Variants in FMO5 observed in about 807,000 individuals in gnomAD.
FMO5 encodes the protein flavin containing dimethylaniline monoxygenase 5, also known as flavin-containing monooxygenase 5.
In FMO5, 51 loss-of-function variants were observed where a neutral mutation model predicts 43.6. The ratio of observed to expected loss-of-function variants is 1.17; its 90% CI spans 0.93 to 1.48. The LOEUF (loss-of-function observed/expected upper bound fraction) is 1.48. FMO5 is among the 40% of genes most tolerant of loss of function. FMO5 has a pLI of 0.00. For missense variants in FMO5, 644 were observed against 643.0 expected (o/e 1.00, Z -0.02); for synonymous variants, 187 against 216.5 (o/e 0.86, Z 1.20).
Position 147,201,358 on chromosome 1 carries a change from AC to A in FMO5, c.976del (p.Val326LeufsTer44), listed in dbSNP as rs1658941896. ...AAAGCTATAGCCTGTGGCAAAGATA[AC>A]AGCATCAATGTCATCCTCCCTGGAG... ...DGSREDDIDA[V>X]IFATGYSFDF... is the part of the protein sequence containing the mutation. On this transcript the variant is annotated frameshift_variant, in exon 7 of 9. Transcript: ENST00000254090. LOFTEE classifies it high-confidence loss of function. 1.9e-6 allele frequency: 3 copies of A among 1,614,066 alleles called. No homozygotes were observed. The highest frequency in any genetic ancestry group is 2.5e-6 in the Non-Finnish European group (3 of 1,180,020).
At position 147,201,161 on chromosome 1, in the gene FMO5, C is replaced by A. The variant is rs1553920780; in HGVS notation, c.1174G>T (p.Val392Leu). 3.1e-6 allele frequency: 5 copies of A among 1,609,926 alleles called. No individual in the cohort carries two copies. The highest frequency in any genetic ancestry group is 2.7e-5 in the African/African-American group (2 of 74,780). ...TTGCATGGTCACTTACCTTTAAATA[C>A]CTGAGTGGCCCAGCGTCCTTGGAGC... is the stretch of plus-strand genomic sequence containing the variant. ...SELQGRWATQ[V>L]FKGLKTLPSQ... is the part of the protein sequence containing the mutation. Residue 392 changes from valine (V) to leucine (L), a missense_variant, in exon 7 of 9, where the codon GTA becomes TTA. By Grantham distance (32) the Val-to-Leu change is conservative. Coordinates refer to ENST00000254090, the MANE Select transcript of FMO5 (RefSeq NM_001461.4).
At chr1:147,203,433 A>G in intron 6 of FMO5, 4 of 848,594 alleles carry the variant, frequency 4.7e-6, no homozygotes, top group Non-Finnish European at 8.3e-6. Flanking sequence ...TATCTAGAAC[A>G]CCAGCTTCCA....
chr1:147,198,060 T>G (rs1473359554), intron 7 of FMO5, among the ~76,000 whole-genome samples: 1 of 152,178 alleles, frequency 6.6e-6, no homozygotes, highest in East Asian at 1.9e-4. Flanking sequence ...AATCCTGACT[T>G]GCTCCTGCAT....
chr1:147,185,453 A>G (rs2101666517), downstream of FMO5, among the ~76,000 whole-genome samples: 4 of 152,288 alleles, frequency 2.6e-5, no homozygotes, highest in Admixed American at 2.6e-4. Flanking sequence ...CAGTATCACA[A>G]GGATTAGGGA....
intron 6 of FMO5, among the ~76,000 whole-genome samples, chr1:147,207,474 C>A (rs1266305177): frequency 3.9e-5 from 6 of 152,178 alleles, no homozygotes; most frequent in African/African-American, 1.4e-4. Context: ...GGACCCCATC[C>A]TTTGTACTTT....
At chr1:147,194,085 C>A (rs1657460849) in intron 7 of FMO5, among the ~76,000 whole-genome samples, 1 of 152,110 alleles carries the variant, frequency 6.6e-6, no homozygotes, top group Non-Finnish European at 1.5e-5. Flanking sequence ...TCTCGTTGAT[C>A]TGTCTAATGT....
chr1:147,210,155 A>C (rs1660853012), intron 5 of FMO5: 1 of 152,218 alleles, frequency 6.6e-6, no homozygotes, highest in Non-Finnish European at 1.5e-5. Flanking sequence ...GCCTGAGATC[A>C]CAGAGCTAGT....
upstream of FMO5, chr1:147,225,456 G>C (rs1016916383): frequency 1.2e-5 from 2 of 167,242 alleles, no homozygotes; most frequent in African/African-American, 2.4e-5. Flanking sequence ...CCCACTCAGC[G>C]GCACCCATTC....
chr1:147,225,383 A>G (rs1663870051), upstream of FMO5: 2 of 221,706 alleles, frequency 9.0e-6, no homozygotes, highest in Admixed American at 1.0e-4. Context: ...ACAACGGACA[A>G]ACAGCGAGAG....
At chr1:147,219,856 T>TG in intron 2 of FMO5, among the ~76,000 whole-genome samples, 1 of 150,550 alleles carries the variant, frequency 6.6e-6, no homozygotes, top group East Asian at 1.9e-4. Flanking sequence ...TTTTTTTTTT[T>TG]GAGACAGAGT....
chr1:147,199,273 T>C (rs1207571560), intron 7 of FMO5, among the ~76,000 whole-genome samples: 1 of 152,072 alleles, frequency 6.6e-6, no homozygotes, highest in African/African-American at 2.4e-5. Flanking sequence ...GGTTTAAAAT[T>C]GGCATAGTGA....
In FMO5 at chr1:147,212,411, A is replaced by G. The variant is rs587649467; in HGVS notation, c.612T>C (p.Ile204=). ...TTCAAACCTGCTTGGCTGTTTGGCTAATCTCTACAGCCAGATCCCCTCCAG... is the reference window on the plus strand; with the variant it reads ...TTCAAACCTGCTTGGCTGTTTGGCTGATCTCTACAGCCAGATCCCCTCCAG... ...GNSGGDLAVE[I]SQTAKQVFLS... is the part of the protein sequence containing the mutation. Residue 204 remains isoleucine (I), a synonymous_variant, in exon 5 of 9, where the codon ATT becomes ATC. Transcript: ENST00000254090. 6.2e-6 allele frequency: 10 copies of G among 1,614,026 alleles called. No individual in the cohort carries two copies. In the Admixed American group the frequency reaches 6.7e-5, roughly 11 times the overall value.
At position 147,194,518 on chromosome 1, in the gene FMO5, A is replaced by T. The variant is rs587676804; in HGVS notation, c.1184-4269T>A. 4.6e-5 allele frequency among the ~76,000 whole-genome samples: 7 copies of T among 152,212 alleles called. No individual in the cohort carries two copies. In the South Asian group the frequency reaches 1.5e-3, roughly 32 times the overall value. On this transcript the variant is annotated intron_variant, in intron 7 of 8. Transcript: ENST00000254090. ...TTTAGCCCATTTACATTTAAAGTTAATATTGTTATGTGTGAATTTGGTTCT... is the reference window on the plus strand; with the variant it reads ...TTTAGCCCATTTACATTTAAAGTTATTATTGTTATGTGTGAATTTGGTTCT...
chr1:147,208,122 C>G (rs1170049239), intron 6 of FMO5, among the ~76,000 whole-genome samples: 4 of 152,016 alleles, frequency 2.6e-5, no homozygotes, highest in Non-Finnish European at 5.9e-5. Flanking sequence ...CTGTGCTTAT[C>G]TTATAGAAAG....
At position 147,212,276 on chromosome 1, in the gene FMO5, C is replaced by G. The variant is rs1286777696; in HGVS notation, c.630+117G>C. 7.7e-6 allele frequency: 8 copies of G among 1,043,728 alleles called. No individual in the cohort carries two copies. In the Admixed American group the frequency reaches 1.8e-4, roughly 23 times the overall value. The allele number at this position is 1,043,728 out of a possible 1,614,324, so 64.7% of individuals were successfully genotyped here. Reference sequence around the variant, plus strand: ...ATGAAACGAAGCCCTATATTTGCCACTGGCACTGAAGGGCTATGTGCAGGT... The same window carrying G: ...ATGAAACGAAGCCCTATATTTGCCAGTGGCACTGAAGGGCTATGTGCAGGT... On this transcript the variant is annotated intron_variant, in intron 5 of 8. Coordinates refer to ENST00000254090, the MANE Select transcript of FMO5 (RefSeq NM_001461.4).
At chr1:147,185,396 A>G (rs1445676908), downstream of FMO5, among the ~76,000 whole-genome samples, 4 of 152,292 alleles carry the variant, frequency 2.6e-5, no homozygotes, top group Non-Finnish European at 5.9e-5. Flanking sequence ...TGCTTTTGAT[A>G]TGCAGATTTA....
chr1:147,212,654 T>C (rs1661273263), intron 4 of FMO5, 119 bp from the exon 5 acceptor site: 1 of 914,504 alleles, frequency 1.1e-6, no homozygotes, highest in Admixed American at 2.5e-5. Context: ...GTGTTCTCTT[T>C]ACTCAGCTAC....
intron 5 of FMO5, chr1:147,210,926 T>G (rs906567291): frequency 1.3e-5 from 2 of 152,180 alleles, no homozygotes; most frequent in African/African-American, 4.8e-5. Context: ...TACAAAAGCA[T>G]CTACAAGAAT....
intron 6 of FMO5, chr1:147,203,129 C>A (rs587671094): frequency 2.2e-4 from 44 of 202,234 alleles, no homozygotes; most frequent in East Asian, 3.5e-4. Context: ...TTTTTTTTGA[C>A]AGTAACAATA....
Sources: gnomAD v4.1 joint callset for allele counts (sites outside exome capture counted in the v4.1 genomes callset) on GRCh38, gnomAD v4.1.1 for gene constraint, MANE v1.5 for transcripts, NCBI Gene and HGNC (gene_info 2026-07-23, HGNC 2026-07-21) for gene names.